The following AGMO variants were observed in gnomAD, a reference collection of about 807,000 sequenced individuals.
The protein encoded by AGMO is alkylglycerol monooxygenase, also known as glyceryl-ether monooxygenase.
In AGMO, 75 loss-of-function variants were observed where a neutral mutation model predicts 60.2. The ratio of observed to expected loss-of-function variants is 1.25; its 90% CI spans 1.03 to 1.51. The LOEUF is 1.51. Among genes scored for constraint, AGMO ranks in the 40% most tolerant of loss-of-function variants. The probability of loss-of-function intolerance (pLI) is 0.00; values close to 1 mark genes in which losing one functional copy is unlikely to be tolerated. For missense variants in AGMO, 763 were observed against 525.5 expected, an observed-to-expected ratio of 1.45 and a Z score of -4.42; for synonymous variants, 261 against 177.1, an observed-to-expected ratio of 1.47 and a Z score of -3.76.
intron 12 of AGMO, among the ~76,000 whole-genome samples, chr7:15,337,955 G>A (rs1248260920): frequency 6.6e-6 from 1 of 152,166 alleles, no homozygotes; most frequent in Non-Finnish European, 1.5e-5. Context: ...AAACATAATA[G>A]GTGATCTGGG....
chr7:15,505,743 G>A (rs114130121), intron 3 of AGMO, among the ~76,000 whole-genome samples: 2,296 of 151,892 alleles, frequency 0.015, 59 homozygotes, highest in African/African-American at 0.052. Flanking sequence ...GATAATTTCT[G>A]TTTCTTCATA....
intron 3 of AGMO, among the ~76,000 whole-genome samples, chr7:15,461,896 T>C (rs1171676569): frequency 4.6e-5 from 7 of 152,082 alleles, no homozygotes; most frequent in Non-Finnish European, 8.8e-5. Context: ...AATGTCACGA[T>C]AAAAAAGTAT....
chr7:15,519,521 G>T (rs890348599), intron 3 of AGMO, among the ~76,000 whole-genome samples: 19 of 152,112 alleles, frequency 1.2e-4, no homozygotes, highest in African/African-American at 4.3e-4. Context: ...TTAAAGAAAA[G>T]AATTTTCAAC....
At chr7:15,223,737 T>A (rs1781989687) in intron 12 of AGMO, among the ~76,000 whole-genome samples, 2 of 151,978 alleles carry the variant, frequency 1.3e-5, no homozygotes, top group Non-Finnish European at 1.5e-5. Context: ...TTTTCCTATA[T>A]CTTTATTAAT....
At chr7:15,143,525 G>A in the AGMO span, among the ~76,000 whole-genome samples, 7 of 152,114 alleles carry the variant, frequency 4.6e-5, no homozygotes, top group Non-Finnish European at 7.4e-5. Context: ...TACTTTAACA[G>A]TAAAAGGCAT....
intron 12 of AGMO, among the ~76,000 whole-genome samples, chr7:15,234,285 C>A (rs1290254428): frequency 6.6e-6 from 1 of 152,160 alleles, no homozygotes; most frequent in East Asian, 1.9e-4. Flanking sequence ...CCTTGCCATT[C>A]CTAAGACCCT....
At chr7:15,403,878 A>G (rs1784621287) in intron 5 of AGMO, among the ~76,000 whole-genome samples, 1 of 151,978 alleles carries the variant, frequency 6.6e-6, no homozygotes. Context: ...CCTCTGATTT[A>G]TCTGCAGGGA....
chr7:15,498,538 T>G (rs2128524113), intron 3 of AGMO, among the ~76,000 whole-genome samples: 1 of 152,110 alleles, frequency 6.6e-6, no homozygotes, highest in South Asian at 2.1e-4. Flanking sequence ...GTTAGAAGGT[T>G]ACAAATCATG....
intron 3 of AGMO, among the ~76,000 whole-genome samples, chr7:15,494,443 T>C (rs1487689033): frequency 6.6e-6 from 1 of 152,198 alleles, no homozygotes; most frequent in East Asian, 1.9e-4. Context: ...AGATATGCAA[T>C]TATAGTATAA....
In AGMO at chr7:15,366,121, C is replaced by A. The variant is rs1220908334; in HGVS notation, c.1157+19G>T. On this transcript the variant is annotated intron_variant, in intron 11 of 12. Coordinates refer to ENST00000342526, the MANE Select transcript of AGMO (RefSeq NM_001004320.2). ...GAATTGAGTAAAAGTAAAAACAATGCAAGAATTTCACTTCTTGCCTTTGAT... is the reference window on the plus strand; with the variant it reads ...GAATTGAGTAAAAGTAAAAACAATGAAAGAATTTCACTTCTTGCCTTTGAT... 6 of 1,580,594 alleles carry A rather than the reference C, an allele frequency of 3.8e-6. No individual in the cohort carries two copies. Among genetic ancestry groups the A allele is most frequent in the Middle Eastern group, 3.3e-4 (2 of 6,020 alleles).
At chr7:15,274,366 C>T (rs1192838375) in intron 12 of AGMO, among the ~76,000 whole-genome samples, 2 of 152,128 alleles carry the variant, frequency 1.3e-5, no homozygotes. Flanking sequence ...TCTGCAGCTA[C>T]TGAGATAATC....
At chr7:15,508,468 G>A (rs1278011486) in intron 3 of AGMO, among the ~76,000 whole-genome samples, 1 of 152,104 alleles carries the variant, frequency 6.6e-6, no homozygotes, top group African/African-American at 2.4e-5. Flanking sequence ...TGAGGAAGCT[G>A]CTCCCTGCAA....
chr7:15,125,046 A>G, the AGMO span, among the ~76,000 whole-genome samples: 1 of 150,696 alleles, frequency 6.6e-6, no homozygotes, highest in Non-Finnish European at 1.5e-5. Flanking sequence ...TATTTTTGGA[A>G]TGGGATGCCT....
At chr7:15,480,056 G>A (rs1028616313) in intron 3 of AGMO, among the ~76,000 whole-genome samples, 5 of 152,166 alleles carry the variant, frequency 3.3e-5, no homozygotes, top group East Asian at 1.9e-4. Flanking sequence ...GTGAGACAGC[G>A]GGGTAATCAA....
chr7:15,521,605 T>A (rs1171664746), intron 3 of AGMO, among the ~76,000 whole-genome samples: 3 of 152,198 alleles, frequency 2.0e-5, no homozygotes, highest in Non-Finnish European at 2.9e-5. Context: ...AACACATGAT[T>A]ATCTCAATAG....
chr7:15,357,399 C>T (rs898535283), intron 12 of AGMO, among the ~76,000 whole-genome samples: 2 of 151,902 alleles, frequency 1.3e-5, no homozygotes, highest in African/African-American at 4.8e-5. Context: ...CTAACCACCA[C>T]CGTGAGATGA....
At chr7:15,185,909 G>C in the AGMO span, among the ~76,000 whole-genome samples, 1 of 152,174 alleles carries the variant, frequency 6.6e-6, no homozygotes, top group Non-Finnish European at 1.5e-5. Flanking sequence ...AGTCTTCTAA[G>C]TATAGCTCTG....
chr7:15,428,614 C>T (rs1049075200), intron 4 of AGMO, among the ~76,000 whole-genome samples: 1 of 152,076 alleles, frequency 6.6e-6, no homozygotes, highest in African/African-American at 2.4e-5. Context: ...TTGCTCAATA[C>T]TGATGTTGTG....
At chr7:15,456,325 C>T (rs541009266) in intron 3 of AGMO, among the ~76,000 whole-genome samples, 1 of 151,958 alleles carries the variant, frequency 6.6e-6, no homozygotes, top group Admixed American at 6.6e-5. Flanking sequence ...CTCTGTTTCT[C>T]CTGTTTCTTT....
Sources: allele counts gnomAD v4.1 joint callset (sites outside exome capture counted in the v4.1 genomes callset), GRCh38; gene constraint gnomAD v4.1.1; transcripts MANE v1.5; gene names NCBI Gene and HGNC (gene_info 2026-07-23, HGNC 2026-07-21).